The following DAP variants were observed in gnomAD, a reference collection of about 807,000 sequenced individuals.
The protein encoded by DAP is death associated protein.
DAP carries 8 observed loss-of-function variants against 13.8 expected under a neutral mutation model. The ratio of observed to expected loss-of-function variants is 0.58; its 90% confidence interval spans 0.34 to 1.05. The LOEUF is 1.05. Ranked by LOEUF, DAP falls within the 50% of genes least tolerant of loss-of-function variation. The pLI, the probability that DAP is intolerant of heterozygous loss-of-function variation, is 0.03. For synonymous variants in DAP, 47 were observed against 47.5 expected, an observed-to-expected ratio of 0.99 and a Z score of 0.04; for missense variants, 106 against 133.2, an observed-to-expected ratio of 0.80 and a Z score of 1.01.
At chr5:10,718,765 T>G (rs1739060404) in intron 2 of DAP, among the ~76,000 whole-genome samples, 1 of 152,212 alleles carries the variant, frequency 6.6e-6, no homozygotes, top group African/African-American at 2.4e-5. Context: ...TGCCTTTTTC[T>G]CCATTTCTGT....
At chr5:10,755,432 C>T (rs1173714528) in intron 1 of DAP, among the ~76,000 whole-genome samples, 1 of 152,180 alleles carries the variant, frequency 6.6e-6, no homozygotes, top group Admixed American at 6.5e-5. Flanking sequence ...TGATTTGGTA[C>T]AGCAGCCATA....
chr5:10,757,062 A>G (rs930623253), intron 1 of DAP, among the ~76,000 whole-genome samples: 2 of 152,176 alleles, frequency 1.3e-5, no homozygotes, highest in Admixed American at 1.3e-4. Flanking sequence ...CTTGTAAATA[A>G]CAATACCTGT....
At chr5:10,699,175 TCTAC>T (rs975762417) in intron 2 of DAP, among the ~76,000 whole-genome samples, 34 of 152,290 alleles carry the variant, frequency 2.2e-4, no homozygotes, top group African/African-American at 4.8e-4. Flanking sequence ...TTTGTTCACA[TCTAC>T]CTACCTACCT....
chr5:10,722,716 G>A (rs1739186205), intron 2 of DAP, among the ~76,000 whole-genome samples: 1 of 151,850 alleles, frequency 6.6e-6, no homozygotes, highest in Non-Finnish European at 1.5e-5. Context: ...CCACAGCAAT[G>A]TCACCTTAAT....
chr5:10,712,409 A>G (rs1738876319), intron 2 of DAP, among the ~76,000 whole-genome samples: 1 of 152,162 alleles, frequency 6.6e-6, no homozygotes, highest in South Asian at 2.1e-4. Context: ...TCATAAGGTA[A>G]GGCTTTGAAA....
chr5:10,761,170 C>G lies in DAP; in HGVS notation c.-102G>C. 1.6e-6 allele frequency: 1 copy of G among 642,666 alleles called. No individual in the cohort carries two copies. Among genetic ancestry groups the G allele is most frequent in the Non-Finnish European group, 2.1e-6 (1 of 473,396 alleles). The allele number at this position is 642,666 out of a possible 1,614,324, so 39.8% of individuals were successfully genotyped here. A position where few individuals can be genotyped will look rare whatever the true frequency, so the allele number is the denominator to read the frequency against. On this transcript the variant is annotated 5_prime_UTR_variant, in exon 1 of 4. Coordinates refer to ENST00000230895, the MANE Select transcript of DAP (RefSeq NM_004394.3). Reference sequence around the variant, plus strand: ...GTGTGAGCGCCGGGGAGCGAGCGGGCGGGAGAACGACGCGCGCGCGTGGGG... The same window carrying G: ...GTGTGAGCGCCGGGGAGCGAGCGGGGGGGAGAACGACGCGCGCGCGTGGGG...
rs371943855 is a variant in DAP at position 10,748,507 on chromosome 5, T to C, written c.56-236A>G. ...CAGAAACTTTCCAAGGCTCTTGTTTTTCTATCTGGTCACCTTTCAAGTATT... is the reference window on the plus strand; with the variant it reads ...CAGAAACTTTCCAAGGCTCTTGTTTCTCTATCTGGTCACCTTTCAAGTATT... On this transcript the variant is annotated intron_variant, in intron 1 of 3. Transcript: ENST00000230895. 3.3e-4 allele frequency among the ~76,000 whole-genome samples: 51 copies of C among 152,318 alleles called. No homozygotes were observed. The East Asian group carries it at 8.3e-3, about 25-fold the overall frequency.
In DAP at chr5:10,707,664, C is replaced by T. The variant is rs1025764744; in HGVS notation, c.153-24093G>A. ...TGTGATGCACGGGTGGTGTGATTTGCGATCAGTGTGGTGCACAGGCGGCGT... is the reference window on the plus strand; with the variant it reads ...TGTGATGCACGGGTGGTGTGATTTGTGATCAGTGTGGTGCACAGGCGGCGT... On this transcript the variant is annotated intron_variant, in intron 2 of 3. Transcript: ENST00000230895. The surrounding 1 kb of genome is among the most constrained non-coding windows in gnomAD (Gnocchi z 4.0). Among the ~76,000 whole-genome samples the T allele has an allele frequency of 1.4e-5, 2 of 147,110 alleles. No homozygotes were observed. Among genetic ancestry groups the T allele is most frequent in the Non-Finnish European group, 3.0e-5 (2 of 66,482 alleles).
chr5:10,712,388 G>A (rs542448708), intron 2 of DAP, among the ~76,000 whole-genome samples: 2 of 152,336 alleles, frequency 1.3e-5, no homozygotes, highest in Admixed American at 6.5e-5. Context: ...GGAAGCTCCT[G>A]TGGGCTGGGG....
chr5:10,740,290 C>T (rs1048383861), intron 2 of DAP, among the ~76,000 whole-genome samples: 9 of 152,030 alleles, frequency 5.9e-5, no homozygotes, highest in African/African-American at 1.5e-4. Flanking sequence ...ACAGAGCATC[C>T]GAGGCCTGTG....
chr5:10,749,457 G>T (rs1352740311), intron 1 of DAP, among the ~76,000 whole-genome samples: 1 of 152,118 alleles, frequency 6.6e-6, no homozygotes, highest in South Asian at 2.1e-4. Context: ...ACATGTTCCC[G>T]ACACTTACTA....
chr5:10,759,669 CG>C, intron 1 of DAP, among the ~76,000 whole-genome samples: 1 of 151,756 alleles, frequency 6.6e-6, no homozygotes, highest in South Asian at 2.1e-4. Context: ...ATTTAAAGAA[CG>C]GCTCCTATTC....
At chr5:10,753,214 C>A (rs1262813506) in intron 1 of DAP, among the ~76,000 whole-genome samples, 1 of 152,222 alleles carries the variant, frequency 6.6e-6, no homozygotes, top group Non-Finnish European at 1.5e-5. Context: ...TGCACAGCAG[C>A]CCCACGGAGT....
intron 2 of DAP, among the ~76,000 whole-genome samples, chr5:10,747,484 T>C (rs1165535981): frequency 6.6e-6 from 1 of 152,138 alleles, no homozygotes; most frequent in Non-Finnish European, 1.5e-5. Flanking sequence ...TGGCTGATGA[T>C]CCGAGGGAGG....
intron 2 of DAP, 125 bp from the exon 3 acceptor site, chr5:10,683,696 T>G (rs1738088748): frequency 2.4e-6 from 2 of 840,088 alleles, no homozygotes; most frequent in Non-Finnish European, 4.0e-6. Flanking sequence ...GAAGCAAACC[T>G]CTCCTCTGCG....
At chr5:10,742,442 A>C (rs1739785151) in intron 2 of DAP, among the ~76,000 whole-genome samples, 2 of 152,152 alleles carry the variant, frequency 1.3e-5, no homozygotes, top group South Asian at 4.1e-4. Flanking sequence ...CAGGAGAATC[A>C]CTTGAAACCG....
intron 2 of DAP, among the ~76,000 whole-genome samples, chr5:10,702,018 C>T (rs140557637): frequency 6.6e-6 from 1 of 152,326 alleles, no homozygotes; most frequent in East Asian, 1.9e-4. Context: ...CTTTCCTTCC[C>T]CTCCAAGGGC....
At position 10,679,802 on chromosome 5, in the gene DAP, A is replaced by C. The variant is rs951146961; in HGVS notation, c.*1254T>G. On this transcript the variant is annotated 3_prime_UTR_variant, in exon 4 of 4. Transcript: ENST00000230895. ...CCAGCTGGCAGACGTGAACTGGAGAACAGCACCAGAAAGGCTGGTGGTTGG... is the reference window on the plus strand; with the variant it reads ...CCAGCTGGCAGACGTGAACTGGAGACCAGCACCAGAAAGGCTGGTGGTTGG... The C allele has an allele frequency of 1.3e-5, 2 of 152,410 alleles. No homozygotes were observed. Among genetic ancestry groups the C allele is most frequent in the African/African-American group, 2.4e-5 (1 of 41,468 alleles). The allele number at this position is 152,410 out of a possible 1,614,324, so 9.4% of individuals were successfully genotyped here.
In DAP at chr5:10,680,930, A is replaced by G; in HGVS notation, c.*126T>C. On this transcript the variant is annotated 3_prime_UTR_variant, in exon 4 of 4. Coordinates refer to ENST00000230895, the MANE Select transcript of DAP (RefSeq NM_004394.3). ...TATGGAAATGTAAGGCAAAGGACAG[A>G]GCACTTGGTTTTGCCTTAGATTTCC... The G allele has an allele frequency of 1.3e-6, 2 of 1,539,140 alleles. No homozygotes were observed. The highest frequency in any genetic ancestry group is 1.7e-6 in the Non-Finnish European group (2 of 1,146,966).
Sources: allele counts gnomAD v4.1 joint callset (sites outside exome capture counted in the v4.1 genomes callset), GRCh38; gene constraint gnomAD v4.1.1; non-coding constraint Gnocchi (gnomAD v3.1); transcripts MANE v1.5; gene names NCBI Gene and HGNC (gene_info 2026-07-23, HGNC 2026-07-21).